The following SKIC3 variants were observed in gnomAD, a reference collection of about 807,000 sequenced individuals.
SKIC3 encodes SKI3 subunit of superkiller complex.
At chr5:95,492,683 AAAAAAAC>A in the SKIC3 span, among the ~76,000 whole-genome samples, 1 of 142,326 alleles carries the variant, frequency 7.0e-6, no homozygotes, top group African/African-American at 2.6e-5. Flanking sequence ...AAAAAAAAAA[AAAAAAAC>A]AAGACAACTA....
the SKIC3 span, among the ~76,000 whole-genome samples, chr5:95,465,135 CCA>C: frequency 6.6e-6 from 1 of 151,876 alleles, no homozygotes; most frequent in Non-Finnish European, 1.5e-5. Context: ...ACCATGTTGG[CCA>C]GAGGCTGGTC....
chr5:95,469,610 G>A, the SKIC3 span, among the ~76,000 whole-genome samples: 1 of 152,034 alleles, frequency 6.6e-6, no homozygotes, highest in African/African-American at 2.4e-5. Context: ...TCCCTTACTG[G>A]ATTTCTGGAA....
At chr5:95,468,507 C>A in the SKIC3 span, among the ~76,000 whole-genome samples, 3 of 152,082 alleles carry the variant, frequency 2.0e-5, no homozygotes, top group African/African-American at 7.2e-5. Flanking sequence ...ATAATGTAAA[C>A]CCATGTAATA....
chr5:95,524,566 T>C, the SKIC3 span: 2 of 1,613,562 alleles, frequency 1.2e-6, no homozygotes, highest in Non-Finnish European at 1.7e-6. Context: ...GCAACTTCGG[T>C]ATCTTTCTCA....
At chr5:95,481,265 G>A in the SKIC3 span, among the ~76,000 whole-genome samples, 1 of 152,040 alleles carries the variant, frequency 6.6e-6, no homozygotes, top group African/African-American at 2.4e-5. Context: ...GAATCATGAG[G>A]GGAGGTCTTT....
the SKIC3 span, chr5:95,513,300 A>G: frequency 2.4e-6 from 1 of 413,250 alleles, no homozygotes; most frequent in Non-Finnish European, 4.5e-6. Flanking sequence ...CTGAAACTCC[A>G]GGACTCAATC....
At chr5:95,532,156 A>AAT in the SKIC3 span, among the ~76,000 whole-genome samples, 1 of 152,128 alleles carries the variant, frequency 6.6e-6, no homozygotes, top group African/African-American at 2.4e-5. Flanking sequence ...CTGGGATGAA[A>AAT]ATAGTTAAGA....
chr5:95,530,927 CA>C, the SKIC3 span, among the ~76,000 whole-genome samples: 5 of 151,826 alleles, frequency 3.3e-5, no homozygotes, highest in African/African-American at 1.2e-4. Context: ...TCAAAACAAA[CA>C]AAAAATTGTA....
At chr5:95,538,103 A>C in the SKIC3 span, among the ~76,000 whole-genome samples, 1 of 152,154 alleles carries the variant, frequency 6.6e-6, no homozygotes, top group Admixed American at 6.5e-5. Flanking sequence ...TATTACTAAC[A>C]GTTAGAAATC....
At chr5:95,546,217 A>G in the SKIC3 span, among the ~76,000 whole-genome samples, 1 of 152,074 alleles carries the variant, frequency 6.6e-6, no homozygotes, top group African/African-American at 2.4e-5. Context: ...ACTGAATACA[A>G]AGAGAAAAAC....
At chr5:95,468,719 G>A in the SKIC3 span, among the ~76,000 whole-genome samples, 161 of 152,256 alleles carry the variant, frequency 1.1e-3, no homozygotes, top group African/African-American at 3.6e-3. Context: ...GAGGGATCAC[G>A]TAGTAAGCAC....
the SKIC3 span, chr5:95,497,408 T>C: frequency 6.2e-7 from 1 of 1,609,926 alleles, no homozygotes; most frequent in South Asian, 1.1e-5. Context: ...TTTGAAACGT[T>C]ACTTTACCTT....
the SKIC3 span, chr5:95,528,112 A>G: frequency 6.2e-7 from 1 of 1,613,850 alleles, no homozygotes; most frequent in South Asian, 1.1e-5. Context: ...TCTGATAAAG[A>G]CTGTTACCAG....
chr5:95,481,587 T>G, the SKIC3 span, among the ~76,000 whole-genome samples: 1 of 152,162 alleles, frequency 6.6e-6, no homozygotes, highest in Admixed American at 6.5e-5. Context: ...ATAATGAATA[T>G]GAAATCAACA....
the SKIC3 span, among the ~76,000 whole-genome samples, chr5:95,496,797 A>C: frequency 2.0e-5 from 3 of 152,272 alleles, no homozygotes; most frequent in East Asian, 5.8e-4. Flanking sequence ...AGATGTTGGA[A>C]TTATTAGTCG....
chr5:95,549,449 C>T, the SKIC3 span, among the ~76,000 whole-genome samples: 1 of 151,960 alleles, frequency 6.6e-6, no homozygotes. Context: ...TTTTTAAAGA[C>T]CACTATATAG....
the SKIC3 span, among the ~76,000 whole-genome samples, chr5:95,470,864 CTT>C: frequency 6.6e-6 from 1 of 151,894 alleles, no homozygotes; most frequent in African/African-American, 2.4e-5. Context: ...GTGATGAACA[CTT>C]TACTGAATTA....
chr5:95,498,565 T>C, the SKIC3 span: 2 of 1,614,192 alleles, frequency 1.2e-6, no homozygotes, highest in Non-Finnish European at 1.7e-6. Context: ...TTGAAGGCTT[T>C]CTGTGGTTGG....
the SKIC3 span, among the ~76,000 whole-genome samples, chr5:95,488,803 A>G: frequency 6.6e-6 from 1 of 152,194 alleles, no homozygotes; most frequent in Non-Finnish European, 1.5e-5. Context: ...ACTACAGAAA[A>G]GCACCAAAAT....
Sources: gnomAD v4.1 joint callset for allele counts (sites outside exome capture counted in the v4.1 genomes callset) on GRCh38, gnomAD v4.1.1 for gene constraint, MANE v1.5 for transcripts, NCBI Gene and HGNC (gene_info 2026-07-23, HGNC 2026-07-21) for gene names.